The following MAST2 variants were observed in gnomAD, a reference collection of about 807,000 sequenced individuals.
MAST2 encodes the protein microtubule associated serine/threonine kinase 2.
In MAST2, 70 loss-of-function variants were observed where a neutral mutation model predicts 147.4. The ratio of observed to expected loss-of-function variants is 0.47; its 90% CI spans 0.39 to 0.58. The LOEUF (loss-of-function observed/expected upper bound fraction) is 0.58. MAST2 is among the 20% of genes least tolerant of loss of function. MAST2 has a pLI of 0.00. For synonymous variants in MAST2, 869 were observed against 896.8 expected (o/e 0.97, Z 0.55); for missense variants, 2,080 against 2,302.3 (o/e 0.90, Z 1.98).
chr1:45,914,224 T>C (rs1652110302), intron 4 of MAST2, among the ~76,000 whole-genome samples: 2 of 152,218 alleles, frequency 1.3e-5, no homozygotes, highest in African/African-American at 2.4e-5. Context: ...GAGAAACCAA[T>C]GGAAACAAAA....
intron 3 of MAST2, 74 bp downstream of exon 3, chr1:45,829,655 C>CT: frequency 7.1e-7 from 1 of 1,411,576 alleles, no homozygotes; most frequent in Non-Finnish European, 9.7e-7. Flanking sequence ...AACATCTATT[C>CT]TTTTTCCTTT....
chr1:45,837,788 T>A (rs534128678), intron 3 of MAST2, among the ~76,000 whole-genome samples: 29 of 152,082 alleles, frequency 1.9e-4, no homozygotes, highest in Middle Eastern at 3.4e-3. Context: ...TATCATATAT[T>A]TTTTTTTGAG....
chr1:46,002,798 C>A lies in MAST2; in HGVS notation c.669-7C>A, dbSNP rs1339868419. The A allele has an allele frequency of 6.2e-7, 1 of 1,613,794 alleles. No individual in the cohort carries two copies. Among genetic ancestry groups the A allele is most frequent in the Non-Finnish European group, 8.5e-7 (1 of 1,179,798 alleles). ...AGAAACTGCCTAATACTTTTTCTTG[C>A]ATACAGGACTGATGGGCGGCGCTGG... On this transcript the variant is annotated splice_region_variant and splice_polypyrimidine_tract_variant and intron_variant, in intron 6 of 28. Transcript: ENST00000361297.
intron 4 of MAST2, among the ~76,000 whole-genome samples, chr1:45,935,945 T>A (rs1245284531): frequency 1.3e-5 from 2 of 152,236 alleles, no homozygotes; most frequent in East Asian, 3.8e-4. Context: ...TCGTTGGTAG[T>A]TTGAGAGGAA....
chr1:45,864,538 A>C (rs1209454783), intron 3 of MAST2, among the ~76,000 whole-genome samples: 3 of 152,238 alleles, frequency 2.0e-5, no homozygotes, highest in African/African-American at 4.8e-5. Flanking sequence ...CGACTTAGTC[A>C]AAACAATAAC....
intron 9 of MAST2, among the ~76,000 whole-genome samples, chr1:46,010,195 C>T (rs146193009): frequency 2.3e-4 from 35 of 152,280 alleles, no homozygotes; most frequent in East Asian, 3.9e-4. Flanking sequence ...ACAAACTTCC[C>T]GGTTTAGAAA....
At chr1:45,984,709 C>G (rs2149079293) in intron 5 of MAST2, among the ~76,000 whole-genome samples, 1 of 152,214 alleles carries the variant, frequency 6.6e-6, no homozygotes, top group Middle Eastern at 3.4e-3. Context: ...GCCATCTGAT[C>G]AGGCACAGTG....
At chr1:45,915,350 A>C (rs552709908) in intron 4 of MAST2, among the ~76,000 whole-genome samples, 2 of 152,318 alleles carry the variant, frequency 1.3e-5, no homozygotes, top group South Asian at 4.1e-4. Context: ...GTTTCAAACA[A>C]TCCTTTTTAG....
At chr1:45,900,012 A>G (rs981232447) in intron 4 of MAST2, among the ~76,000 whole-genome samples, 1 of 151,608 alleles carries the variant, frequency 6.6e-6, no homozygotes, top group Non-Finnish European at 1.5e-5. Context: ...TCTACTAAAA[A>G]TAAAAAAATT....
intron 5 of MAST2, among the ~76,000 whole-genome samples, chr1:45,995,115 C>T (rs979294155): frequency 6.6e-6 from 1 of 152,126 alleles, no homozygotes; most frequent in Non-Finnish European, 1.5e-5. Context: ...GCTGGGATTA[C>T]GGGCGTGAGC....
intron 3 of MAST2, among the ~76,000 whole-genome samples, chr1:45,836,185 G>A (rs1022371338): frequency 6.6e-6 from 1 of 152,100 alleles, no homozygotes; most frequent in East Asian, 1.9e-4. Context: ...CACACTTTTG[G>A]TTTGCTACAC....
intron 5 of MAST2, among the ~76,000 whole-genome samples, chr1:45,975,170 A>G (rs544213873): frequency 2.0e-5 from 3 of 152,244 alleles, no homozygotes; most frequent in South Asian, 2.1e-4. Flanking sequence ...TCAAGTTGCA[A>G]CCTGTTCAGG....
intron 4 of MAST2, among the ~76,000 whole-genome samples, chr1:45,940,052 C>G (rs1380163130): frequency 7.6e-6 from 1 of 130,814 alleles, no homozygotes; most frequent in Non-Finnish European, 1.6e-5. Flanking sequence ...GGCACAATTT[C>G]GGCTCACTGC....
intron 5 of MAST2, among the ~76,000 whole-genome samples, chr1:45,962,466 ACTGGTG>A (rs1454951094): frequency 2.6e-5 from 4 of 152,152 alleles, no homozygotes; most frequent in African/African-American, 9.7e-5. Flanking sequence ...CGCCATTCTA[ACTGGTG>A]CAAGATGATA....
At chr1:45,964,805 G>T (rs1159530597) in intron 5 of MAST2, among the ~76,000 whole-genome samples, 1 of 152,182 alleles carries the variant, frequency 6.6e-6, no homozygotes, top group East Asian at 1.9e-4. Context: ...TTTTAATTGT[G>T]ATGTTAGGGT....
At chr1:45,988,572 T>C (rs1644738543) in intron 5 of MAST2, among the ~76,000 whole-genome samples, 1 of 152,248 alleles carries the variant, frequency 6.6e-6, no homozygotes. Flanking sequence ...TACTGTTTGG[T>C]AGTGGTCTGT....
intron 3 of MAST2, among the ~76,000 whole-genome samples, chr1:45,866,056 A>T (rs944509607): frequency 6.6e-6 from 1 of 152,242 alleles, no homozygotes. Context: ...TTTTAAAATT[A>T]TCATGAATTA....
chr1:45,971,164 TG>T (rs1170853980), intron 5 of MAST2, among the ~76,000 whole-genome samples: 1 of 152,122 alleles, frequency 6.6e-6, no homozygotes, highest in Non-Finnish European at 1.5e-5. Flanking sequence ...ATTCAGGACT[TG>T]TTGTAGTTGC....
chr1:45,820,735 G>A (rs1395393424), intron 1 of MAST2, among the ~76,000 whole-genome samples: 2 of 151,082 alleles, frequency 1.3e-5, no homozygotes, highest in Admixed American at 6.6e-5. Flanking sequence ...CATTTTTTCA[G>A]ATGGCCTTAA....
Sources: allele counts gnomAD v4.1 joint callset (sites outside exome capture counted in the v4.1 genomes callset), GRCh38; gene constraint gnomAD v4.1.1; transcripts MANE v1.5; gene names NCBI Gene and HGNC (gene_info 2026-07-23, HGNC 2026-07-21).